Variants in MYO9A observed in about 807,000 individuals in gnomAD.
MYO9A encodes myosin IXA, also known as unconventional myosin-IXa.
MYO9A carries 103 observed loss-of-function variants against 293.3 expected under a neutral mutation model. The ratio of observed to expected loss-of-function variants is 0.35; its 90% CI spans 0.30 to 0.41. The LOEUF is 0.41. MYO9A is among the 10% of genes least tolerant of loss of function. MYO9A has a pLI of 1.00. For synonymous variants in MYO9A, 1,001 were observed against 1,035.7 expected (o/e 0.97, Z 0.64); for missense variants, 2,685 against 3,033.0 (o/e 0.89, Z 2.69).
chr15:71,893,434 T>C (rs987901214), intron 26 of MYO9A: 13 of 526,160 alleles, frequency 2.5e-5, no homozygotes, highest in Admixed American at 6.8e-5. Flanking sequence ...TTCACTGCCA[T>C]AGTAAGTCAA....
rs370331584 is a variant in MYO9A at position 71,933,634 on chromosome 15, G to C, written c.2562+36C>G. 5.5e-5 allele frequency: 86 copies of C among 1,563,452 alleles called. 1 individual carries two copies. Among genetic ancestry groups the C allele is most frequent in the Admixed American group, 2.3e-4 (13 of 55,334 alleles). Reference sequence around the variant, plus strand: ...AGTAATAAAAAATAATTGTGTAGCAGAATACCAATACAAAAAAAGTTTTCA... The same window carrying C: ...AGTAATAAAAAATAATTGTGTAGCACAATACCAATACAAAAAAAGTTTTCA... On this transcript the variant is annotated intron_variant, in intron 18 of 41. Transcript: ENST00000356056.
intron 13 of MYO9A, among the ~76,000 whole-genome samples, chr15:71,966,278 G>GTGTGTT (rs1355370664): frequency 1.3e-5 from 2 of 150,526 alleles, no homozygotes; most frequent in African/African-American, 4.9e-5. Flanking sequence ...GTGTGTGTGT[G>GTGTGTT]TGTGTGTGTG....
At chr15:72,118,375 C>G (rs1238496231), upstream of MYO9A, 1 of 164,710 alleles carries the variant, frequency 6.1e-6, no homozygotes, top group Non-Finnish European at 1.3e-5. Context: ...AGGTTGGGGA[C>G]GAAACCTCTG....
intron 17 of MYO9A, among the ~76,000 whole-genome samples, chr15:71,933,918 C>T (rs888805856): frequency 7.2e-5 from 11 of 152,004 alleles, no homozygotes; most frequent in Non-Finnish European, 1.3e-4. Flanking sequence ...AGATACCTGC[C>T]TTGTTATATA....
At chr15:72,013,881 A>T (rs1333745754) in intron 6 of MYO9A, among the ~76,000 whole-genome samples, 3 of 152,156 alleles carry the variant, frequency 2.0e-5, no homozygotes, top group African/African-American at 7.2e-5. Flanking sequence ...ATCCCAGCTC[A>T]CTGCAACCTC....
intron 13 of MYO9A, chr15:71,960,346 A>G: frequency 4.6e-6 from 2 of 437,478 alleles, no homozygotes; most frequent in Non-Finnish European, 8.0e-6. Flanking sequence ...TGGTTATTTA[A>G]AAGTGTGGCA....
At chr15:71,881,409 A>G (rs2056869190) in intron 28 of MYO9A, among the ~76,000 whole-genome samples, 1 of 152,106 alleles carries the variant, frequency 6.6e-6, no homozygotes, top group Admixed American at 6.6e-5. Context: ...AATAAAGGAA[A>G]AAAGTAGCCC....
At chr15:71,992,222 T>C (rs1596333926) in intron 10 of MYO9A, among the ~76,000 whole-genome samples, 1 of 152,344 alleles carries the variant, frequency 6.6e-6, no homozygotes. Flanking sequence ...AGCTGTTTGG[T>C]AGAATACAGA....
At chr15:72,021,529 A>G (rs999576732) in intron 4 of MYO9A, among the ~76,000 whole-genome samples, 3 of 152,160 alleles carry the variant, frequency 2.0e-5, no homozygotes, top group African/African-American at 7.2e-5. Context: ...TCATTCCCTA[A>G]GAAATATCAT....
intron 32 of MYO9A, among the ~76,000 whole-genome samples, chr15:71,864,903 T>C (rs1266390434): frequency 1.3e-5 from 2 of 152,166 alleles, no homozygotes; most frequent in Non-Finnish European, 2.9e-5. Context: ...ACTATGTGAA[T>C]TTACTGAAAT....
chr15:71,975,390 C>CGTGTGTGT (rs57800508), intron 12 of MYO9A, among the ~76,000 whole-genome samples: 37,131 of 86,544 alleles, frequency 0.43, 12,788 homozygotes, highest in Non-Finnish European at 0.53. Context: ...GTGATTTTAT[C>CGTGTGTGT]GTGTGTGTGT....
chr15:71,874,065 A>G (rs2056604622), intron 32 of MYO9A, among the ~76,000 whole-genome samples: 2 of 152,190 alleles, frequency 1.3e-5, no homozygotes, highest in Non-Finnish European at 1.5e-5. Flanking sequence ...AAACCAGGCT[A>G]AGGAGTTAGG....
chr15:71,930,164 G>A (rs766611333), intron 18 of MYO9A, among the ~76,000 whole-genome samples: 16 of 152,186 alleles, frequency 1.1e-4, no homozygotes, highest in Non-Finnish European at 1.9e-4. Context: ...TCAGACGAAT[G>A]TGTATTCTGC....
chr15:72,003,864 C>G (rs970937911), intron 8 of MYO9A, among the ~76,000 whole-genome samples: 1 of 152,118 alleles, frequency 6.6e-6, no homozygotes, highest in African/African-American at 2.4e-5. Context: ...AATACAGTTG[C>G]TCATAAGGCT....
chr15:72,049,353 ACT>A (rs1477844348), intron 1 of MYO9A, among the ~76,000 whole-genome samples: 2 of 152,158 alleles, frequency 1.3e-5, no homozygotes, highest in African/African-American at 4.8e-5. Flanking sequence ...GTGAGGATAT[ACT>A]CTGAGTTACC....
chr15:71,927,733 T>C (rs1349526866), intron 18 of MYO9A, among the ~76,000 whole-genome samples: 1 of 151,886 alleles, frequency 6.6e-6, no homozygotes, highest in African/African-American at 2.4e-5. Flanking sequence ...CAAACCTGTG[T>C]TCAAGTTTAA....
chr15:71,964,909 C>A (rs1050210189), intron 13 of MYO9A, among the ~76,000 whole-genome samples: 1 of 151,690 alleles, frequency 6.6e-6, no homozygotes, highest in Non-Finnish European at 1.5e-5. Context: ...ACGCCAAGAT[C>A]GCACCACTGC....
chr15:72,088,586 T>TCA (rs1201473468), intron 1 of MYO9A, among the ~76,000 whole-genome samples: 1 of 152,198 alleles, frequency 6.6e-6, no homozygotes, highest in African/African-American at 2.4e-5. Context: ...CTCCCTTGAC[T>TCA]CACTCCTTTA....
intron 27 of MYO9A, among the ~76,000 whole-genome samples, chr15:71,885,285 T>C (rs1045930521): frequency 3.3e-5 from 5 of 152,162 alleles, no homozygotes; most frequent in African/African-American, 9.6e-5. Flanking sequence ...CTTTTAATGA[T>C]ATTCAGTATT....
Sources: allele counts gnomAD v4.1 joint callset (sites outside exome capture counted in the v4.1 genomes callset), GRCh38; gene constraint gnomAD v4.1.1; transcripts MANE v1.5; gene names NCBI Gene and HGNC (gene_info 2026-07-23, HGNC 2026-07-21).